Variants in GNA14 observed in about 807,000 individuals in gnomAD.
GNA14 encodes G protein subunit alpha 14.
GNA14 carries 50 observed loss-of-function variants against 42.0 expected under a neutral mutation model. That is an observed-to-expected ratio of 1.19 (90% confidence interval 0.95 to 1.51). The LOEUF is 1.51. GNA14 is among the 40% of genes most tolerant of loss of function. GNA14 has a pLI of 0.00. For synonymous variants in GNA14, 173 were observed against 163.1 expected, an observed-to-expected ratio of 1.06 and a Z score of -0.46; for missense variants, 473 against 446.2, an observed-to-expected ratio of 1.06 and a Z score of -0.54.
chr9:77,500,026 C>CTT (rs55823602), intron 2 of GNA14, among the ~76,000 whole-genome samples: 4 of 143,294 alleles, frequency 2.8e-5, no homozygotes, highest in African/African-American at 1.0e-4. Flanking sequence ...AATTTCTTTT[C>CTT]TTTTTTTTTT....
At chr9:77,429,970 T>C (rs1308434206) in intron 4 of GNA14, among the ~76,000 whole-genome samples, 1 of 152,112 alleles carries the variant, frequency 6.6e-6, no homozygotes, top group Non-Finnish European at 1.5e-5. Flanking sequence ...ACTGGGTCAT[T>C]GTGGTTAGGT....
intron 1 of GNA14, among the ~76,000 whole-genome samples, chr9:77,578,725 T>C (rs1216871566): frequency 6.6e-6 from 1 of 152,202 alleles, no homozygotes; most frequent in Non-Finnish European, 1.5e-5. Flanking sequence ...ATACTTCCCA[T>C]ATTGTAGTTT....
rs192704700 is a variant in GNA14, at chr9:77,564,948, T to G, written c.125-35695A>C. Among the ~76,000 whole-genome samples the G allele has an allele frequency of 2.6e-5, 4 of 152,356 alleles. No homozygotes were observed. In the East Asian group the frequency reaches 7.7e-4, roughly 29 times the overall value. ...TTCTGTTCATTTACATACATACGTA[T>G]TCACAGATATACTGGTGAATATACA... On this transcript the variant is annotated intron_variant, in intron 1 of 6. Coordinates refer to ENST00000341700, the MANE Select transcript of GNA14 (RefSeq NM_004297.4).
At chr9:77,583,527 A>G (rs1423350062) in intron 1 of GNA14, among the ~76,000 whole-genome samples, 1 of 152,204 alleles carries the variant, frequency 6.6e-6, no homozygotes, top group Admixed American at 6.5e-5. Flanking sequence ...GGACTTTTTA[A>G]AACTCTTTTC....
chr9:77,509,555 T>C (rs771516645), intron 2 of GNA14, among the ~76,000 whole-genome samples: 19 of 152,348 alleles, frequency 1.2e-4, no homozygotes, highest in Non-Finnish European at 2.2e-4. Context: ...AGAAAATTAC[T>C]AGATAAATGT....
At chr9:77,599,042 A>C (rs1241363521) in intron 1 of GNA14, among the ~76,000 whole-genome samples, 1 of 152,210 alleles carries the variant, frequency 6.6e-6, no homozygotes, top group Non-Finnish European at 1.5e-5. Context: ...TTATTAAGCA[A>C]TGTAAGAAAT....
intron 2 of GNA14, among the ~76,000 whole-genome samples, chr9:77,478,731 G>A (rs1241436435): frequency 6.6e-6 from 1 of 152,136 alleles, no homozygotes; most frequent in Non-Finnish European, 1.5e-5. Flanking sequence ...TAACTGGTGT[G>A]AGATGGTATC....
intron 1 of GNA14, among the ~76,000 whole-genome samples, chr9:77,584,247 A>G (rs941507209): frequency 1.3e-5 from 2 of 152,198 alleles, no homozygotes; most frequent in African/African-American, 4.8e-5. Context: ...AATAAAGATT[A>G]TTTGGAATAT....
intron 2 of GNA14, among the ~76,000 whole-genome samples, chr9:77,434,953 T>TG (rs2131692803): frequency 6.6e-6 from 1 of 151,706 alleles, no homozygotes; most frequent in African/African-American, 2.4e-5. Flanking sequence ...TGGTAGAAAC[T>TG]GGTCCACCTG....
intron 2 of GNA14, chr9:77,456,615 G>A (rs972891296): frequency 1.3e-5 from 2 of 152,110 alleles, no homozygotes; most frequent in African/African-American, 4.8e-5. Context: ...TTTCCATATG[G>A]AAGACTTGCT....
intron 1 of GNA14, among the ~76,000 whole-genome samples, chr9:77,619,500 C>T (rs541944036): frequency 6.6e-6 from 1 of 152,046 alleles, no homozygotes; most frequent in Non-Finnish European, 1.5e-5. Context: ...CATGCCTGGC[C>T]GAATGAGATA....
intron 2 of GNA14, among the ~76,000 whole-genome samples, chr9:77,520,131 G>A (rs866663668): frequency 2.6e-5 from 4 of 152,142 alleles, no homozygotes; most frequent in African/African-American, 7.2e-5. Context: ...CAGAGGGGAT[G>A]CTTTCTAGAA....
chr9:77,493,003 GAAA>G (rs56355394), intron 2 of GNA14, among the ~76,000 whole-genome samples: 2 of 39,836 alleles, frequency 5.0e-5, no homozygotes, highest in Non-Finnish European at 7.8e-5. Flanking sequence ...TCCGTCTCAG[GAAA>G]AAAAAAAAAA....
In GNA14 at chr9:77,521,633, C is replaced by T. The variant is rs559009135; in HGVS notation, c.309+7436G>A. Among the ~76,000 whole-genome samples, 348 of 152,210 alleles carry T rather than the reference C, an allele frequency of 2.3e-3. 1 individual carries two copies. The highest frequency in any genetic ancestry group is 7.8e-3 in the African/African-American group (325 of 41,538). ...ATGTGAGACCTTATCGAAGGGCTTT[C>T]TGGTGTTAGAAATATACTCTCCTAT... On this transcript the variant is annotated intron_variant, in intron 2 of 6. Coordinates refer to ENST00000341700, the MANE Select transcript of GNA14 (RefSeq NM_004297.4).
chr9:77,538,304 C>T (rs1837621231), intron 1 of GNA14, among the ~76,000 whole-genome samples: 1 of 152,066 alleles, frequency 6.6e-6, no homozygotes, highest in Non-Finnish European at 1.5e-5. Flanking sequence ...GAAATCCTGA[C>T]CTCAAGTGAT....
chr9:77,634,767 A>C (rs1824154979), intron 1 of GNA14, among the ~76,000 whole-genome samples: 1 of 152,110 alleles, frequency 6.6e-6, no homozygotes, highest in Non-Finnish European at 1.5e-5. Flanking sequence ...TCTTTATACT[A>C]CTCAGCTGGT....
chr9:77,571,890 TTAAA>T (rs1355670966), intron 1 of GNA14, among the ~76,000 whole-genome samples: 1 of 152,230 alleles, frequency 6.6e-6, no homozygotes, highest in Non-Finnish European at 1.5e-5. Flanking sequence ...ATATATTGGG[TTAAA>T]TAAACATATA....
chr9:77,475,104 C>G (rs1836395825), intron 2 of GNA14, among the ~76,000 whole-genome samples: 1 of 151,754 alleles, frequency 6.6e-6, no homozygotes, highest in Non-Finnish European at 1.5e-5. Context: ...TGTGTTGAAA[C>G]AAGCCCAGAG....
chr9:77,579,361 G>A (rs575841312), intron 1 of GNA14, among the ~76,000 whole-genome samples: 12 of 152,112 alleles, frequency 7.9e-5, no homozygotes, highest in South Asian at 2.1e-4. Flanking sequence ...GGAAGGGGTT[G>A]CCTCAAGTCC....
Sources: gnomAD v4.1 joint callset for allele counts (sites outside exome capture counted in the v4.1 genomes callset) on GRCh38, gnomAD v4.1.1 for gene constraint, MANE v1.5 for transcripts, NCBI Gene and HGNC (gene_info 2026-07-23, HGNC 2026-07-21) for gene names.